SRGAP3: variants seen among roughly 807,000 people sequenced by gnomAD.
SRGAP3 encodes SLIT-ROBO Rho GTPase-activating protein 3.
Under a neutral mutation model 121.1 loss-of-function variants are expected in SRGAP3, and 39 were observed. That is an observed-to-expected ratio of 0.32 (90% CI 0.25 to 0.42). SRGAP3 has a LOEUF of 0.42. SRGAP3 is among the 10% of genes least tolerant of loss of function. The pLI is 1.00. For synonymous variants in SRGAP3, 601 were observed against 570.0 expected (o/e 1.05, Z -0.77); for missense variants, 1,213 against 1,470.6 (o/e 0.82, Z 2.86).
upstream of SRGAP3, among the ~76,000 whole-genome samples, chr3:9,251,444 G>T (rs548540187): frequency 1.4e-4 from 22 of 152,232 alleles, no homozygotes; most frequent in South Asian, 1.2e-3. Context: ...AGAAAGATGG[G>T]CACAGAGATT....
At chr3:9,164,793 G>A (rs1413735598) in intron 1 of SRGAP3, among the ~76,000 whole-genome samples, 1 of 152,150 alleles carries the variant, frequency 6.6e-6, no homozygotes, top group East Asian at 1.9e-4. Context: ...TACTGTCGGC[G>A]TCTACAGTGT....
chr3:9,200,306 A>G (rs1952032553), intron 1 of SRGAP3, among the ~76,000 whole-genome samples: 1 of 152,234 alleles, frequency 6.6e-6, no homozygotes, highest in South Asian at 2.1e-4. Flanking sequence ...CAGTAAGAAT[A>G]TGTTATTAAT....
chr3:9,181,620 C>T (rs1434864619), intron 1 of SRGAP3, among the ~76,000 whole-genome samples: 1 of 152,238 alleles, frequency 6.6e-6, no homozygotes, highest in East Asian at 1.9e-4. Flanking sequence ...GGTCTCTGTG[C>T]CTGGGCCCAA....
intron 3 of SRGAP3, among the ~76,000 whole-genome samples, chr3:9,262,771 G>C (rs1954281340): frequency 6.6e-6 from 1 of 152,002 alleles, no homozygotes; most frequent in Non-Finnish European, 1.5e-5. Context: ...CAATAATAGT[G>C]GGAGACTTTA....
intron 4 of SRGAP3, among the ~76,000 whole-genome samples, chr3:9,071,640 GTGGA>G (rs3067636): frequency 0.32 from 47,020 of 144,682 alleles, 7,993 homozygotes; most frequent in East Asian, 0.41. Context: ...ATTCTCAAAG[GTGGA>G]TGGATGGATG....
At chr3:9,060,021 C>T in intron 6 of SRGAP3, 2 of 728,570 alleles carry the variant, frequency 2.7e-6, no homozygotes, top group Non-Finnish European at 4.5e-6. Flanking sequence ...CACCAGAGGC[C>T]CATGTCCCAC....
At chr3:9,339,828 T>G (rs921333665) in intron 1 of SRGAP3, among the ~76,000 whole-genome samples, 1 of 152,184 alleles carries the variant, frequency 6.6e-6, no homozygotes, top group African/African-American at 2.4e-5. Flanking sequence ...TGGGGCATGA[T>G]GCAGGAAGGC....
At chr3:9,086,261 C>T (rs780731001) in intron 3 of SRGAP3, among the ~76,000 whole-genome samples, 2 of 151,980 alleles carry the variant, frequency 1.3e-5, no homozygotes, top group African/African-American at 2.4e-5. Flanking sequence ...CATGGTGGCT[C>T]GCACCTGTAA....
At position 8,994,428 on chromosome 3, in the gene SRGAP3, G is replaced by A; in HGVS notation, c.2323C>T (p.His775Tyr). ...FKKGASLLLY[H>Y]RASEDWWEGR... ...TCCCACCAGTCCTCCGAGGCGCGGT[G>A]GTACAGGAGCAGCGAGGCCCCCTTC... Residue 775 changes from histidine to tyrosine, a missense_variant, in exon 19 of 22, where the codon CAC becomes TAC. His to Tyr is a moderately conservative substitution (Grantham distance 83). Coordinates refer to ENST00000383836, the MANE Select transcript of SRGAP3 (RefSeq NM_014850.4). The A allele has an allele frequency of 6.2e-7, 1 of 1,614,244 alleles. No homozygotes were observed. The highest frequency in any genetic ancestry group is 8.5e-7 in the Non-Finnish European group (1 of 1,180,050).
chr3:9,169,828 G>A (rs1365275634), intron 1 of SRGAP3, among the ~76,000 whole-genome samples: 1 of 152,202 alleles, frequency 6.6e-6, no homozygotes, highest in African/African-American at 2.4e-5. Flanking sequence ...GCTTTCTGAA[G>A]GGGAGGATGG....
At chr3:9,341,525 G>GA (rs796735020) in intron 1 of SRGAP3, among the ~76,000 whole-genome samples, 2 of 152,202 alleles carry the variant, frequency 1.3e-5, no homozygotes, top group African/African-American at 4.8e-5. Flanking sequence ...ATTCTGGGGG[G>GA]AAAGTGTTGG....
intron 16 of SRGAP3, 67 bp downstream of exon 16, chr3:9,013,670 T>C (rs746520094): frequency 2.9e-5 from 46 of 1,584,162 alleles, no homozygotes; most frequent in Middle Eastern, 1.8e-4. Flanking sequence ...TGCAAAAGCC[T>C]CAAGATACCC....
chr3:9,318,106 C>A (rs187691847), intron 3 of SRGAP3, among the ~76,000 whole-genome samples: 1 of 152,252 alleles, frequency 6.6e-6, no homozygotes, highest in Non-Finnish European at 1.5e-5. Context: ...CCTCCAGGTT[C>A]TCGGTGTTTA....
At position 9,043,068 on chromosome 3, in the gene SRGAP3, C is replaced by G. The variant is rs886479509; in HGVS notation, c.1408+4323G>C. On this transcript the variant is annotated intron_variant, in intron 10 of 21. Coordinates refer to ENST00000383836, the MANE Select transcript of SRGAP3 (RefSeq NM_014850.4). ...ATCACCCTATCTAAAGCAGGTCCCCCCCATCTCTCCCAAACACACACACCA... is the reference window on the plus strand; with the variant it reads ...ATCACCCTATCTAAAGCAGGTCCCCGCCATCTCTCCCAAACACACACACCA... Among the ~76,000 whole-genome samples, 7 of 152,174 alleles carry G rather than the reference C, an allele frequency of 4.6e-5. No individual in the cohort carries two copies. The East Asian group carries it at 1.2e-3, about 25-fold the overall frequency.
chr3:9,190,422 G>A (rs754867247), intron 1 of SRGAP3, among the ~76,000 whole-genome samples: 3 of 152,304 alleles, frequency 2.0e-5, no homozygotes, highest in Middle Eastern at 3.4e-3. Context: ...CCATGGTCTC[G>A]AGTATGACAG....
chr3:9,109,099 A>G lies in SRGAP3; in HGVS notation c.261-4257T>C, dbSNP rs113418146. The stretch of plus-strand genomic sequence containing the variant: ...CTTCCTAGGTGGTGATGGAAATGGA[A>G]AGATTAAAGGAGAGATGAGATAATT... On this transcript the variant is annotated intron_variant, in intron 2 of 21. Transcript: ENST00000383836. This position sits in a 1 kb window ranked among gnomAD's most constrained non-coding sequence, Gnocchi z 4.4. 2.2e-4 allele frequency among the ~76,000 whole-genome samples: 33 copies of G among 152,270 alleles called. No individual in the cohort carries two copies. Among genetic ancestry groups the G allele is most frequent in the African/African-American group, 7.9e-4 (33 of 41,540 alleles).
intron 17 of SRGAP3, 116 bp from the exon 18 acceptor site, chr3:9,010,503 G>T: frequency 1.9e-6 from 2 of 1,067,164 alleles, no homozygotes; most frequent in South Asian, 1.3e-5. Context: ...TCAGATGCAG[G>T]CCTATACCAT....
intron 3 of SRGAP3, among the ~76,000 whole-genome samples, chr3:9,273,129 A>G (rs1954511055): frequency 6.6e-6 from 1 of 152,164 alleles, no homozygotes; most frequent in Non-Finnish European, 1.5e-5. Context: ...TTAGATTCTG[A>G]TAAGGGGCAC....
chr3:9,008,992 C>G (rs537284443), intron 18 of SRGAP3, among the ~76,000 whole-genome samples: 6 of 152,210 alleles, frequency 3.9e-5, no homozygotes, highest in Non-Finnish European at 7.3e-5. Flanking sequence ...GAAACCAGCA[C>G]AGAGGGAAGC....
Sources: allele counts gnomAD v4.1 joint callset (sites outside exome capture counted in the v4.1 genomes callset), GRCh38; gene constraint gnomAD v4.1.1; non-coding constraint Gnocchi (gnomAD v3.1); transcripts MANE v1.5; gene names NCBI Gene and HGNC (gene_info 2026-07-23, HGNC 2026-07-21).